Variants in PCNX2 observed in about 807,000 individuals in gnomAD.
PCNX2 encodes the protein pecanex-like protein 2.
Under a neutral mutation model 223.8 loss-of-function variants are expected in PCNX2, and 168 were observed. The observed-to-expected ratio is 0.75, with a 90% CI of 0.66 to 0.85. The LOEUF is 0.85. PCNX2 is among the 40% of genes least tolerant of loss of function. PCNX2 has a pLI of 0.00. For synonymous variants in PCNX2, 1,006 were observed against 1,052.6 expected (o/e 0.96, Z 0.86); for missense variants, 2,507 against 2,675.5 (o/e 0.94, Z 1.39).
At position 233,295,256 on chromosome 1, in the gene PCNX2, C is replaced by G. The variant is rs536088604; in HGVS notation, c.153+70G>C. The G allele has an allele frequency of 1.6e-5, 24 of 1,545,512 alleles. No individual in the cohort carries two copies. Among genetic ancestry groups the G allele is most frequent in the Admixed American group, 2.0e-5 (1 of 51,028 alleles). On this transcript the variant is annotated intron_variant, in intron 1 of 33. Coordinates refer to ENST00000258229, the MANE Select transcript of PCNX2 (RefSeq NM_014801.4). This position sits in a 1 kb window ranked among gnomAD's most constrained non-coding sequence, Gnocchi z 4.1. ...CCGAAAGCCCGTGAGGCTGATGGCA[C>G]GTCTGTGGTTCCTTTCTCCTTCTTC...
In PCNX2 at chr1:233,263,250, T is replaced by C. The variant is rs377339461; in HGVS notation, c.154-87A>G. The C allele has an allele frequency of 4.5e-6, 5 of 1,109,684 alleles. No homozygotes were observed. In the East Asian group the frequency reaches 1.0e-4, roughly 23 times the overall value. 68.7% of individuals were successfully genotyped at this position (1,109,684 alleles called of 1,614,324 possible). On this transcript the variant is annotated intron_variant, in intron 1 of 33. Coordinates refer to ENST00000258229, the MANE Select transcript of PCNX2 (RefSeq NM_014801.4). The stretch of plus-strand genomic sequence containing the variant: ...TCTGGAAGCATTTTTAGACTATCTA[T>C]TGAATATAAATTAGGCAAGATTTCA...
At chr1:233,317,358 G>C in the PCNX2 span, among the ~76,000 whole-genome samples, 2 of 152,166 alleles carry the variant, frequency 1.3e-5, no homozygotes, top group Non-Finnish European at 2.9e-5. Context: ...AGGTTGCAGT[G>C]AGCTGAGATC....
chr1:233,320,695 C>T, the PCNX2 span, among the ~76,000 whole-genome samples: 4 of 152,274 alleles, frequency 2.6e-5, no homozygotes, highest in African/African-American at 7.2e-5. Flanking sequence ...TTGAATGGAT[C>T]TTTTTGCATA....
chr1:233,015,340 C>T (rs1482010452), intron 27 of PCNX2, among the ~76,000 whole-genome samples: 3 of 152,128 alleles, frequency 2.0e-5, no homozygotes. Flanking sequence ...ATCACTTGAG[C>T]CCAGGAGTTC....
chr1:233,109,701 T>C (rs988723338), intron 21 of PCNX2, among the ~76,000 whole-genome samples: 5 of 152,178 alleles, frequency 3.3e-5, no homozygotes, highest in Non-Finnish European at 7.3e-5. Flanking sequence ...CAATACCAAA[T>C]TGTCTAACAT....
chr1:233,323,285 TG>T, the PCNX2 span, among the ~76,000 whole-genome samples: 42 of 152,348 alleles, frequency 2.8e-4, no homozygotes, highest in African/African-American at 8.7e-4. Flanking sequence ...AAAGTGTTAA[TG>T]TTTTTTTGTG....
At chr1:233,196,820 A>C (rs1160033032) in intron 15 of PCNX2, among the ~76,000 whole-genome samples, 2 of 152,120 alleles carry the variant, frequency 1.3e-5, no homozygotes, top group Non-Finnish European at 2.9e-5. Flanking sequence ...TTAAATAAAA[A>C]CTTACCATGT....
At chr1:233,254,783 T>G (rs1347969193) in intron 5 of PCNX2, among the ~76,000 whole-genome samples, 2 of 151,946 alleles carry the variant, frequency 1.3e-5, no homozygotes, top group African/African-American at 2.4e-5. Flanking sequence ...TTATAAATAT[T>G]TAATGTTATT....
At chr1:233,199,816 ACAC>A (rs1479099813) in intron 14 of PCNX2, among the ~76,000 whole-genome samples, 2 of 151,946 alleles carry the variant, frequency 1.3e-5, no homozygotes, top group Admixed American at 6.5e-5. Context: ...ACACACACAC[ACAC>A]ACTTATATCC....
At chr1:233,256,796 A>G (rs1481129179) in intron 5 of PCNX2, among the ~76,000 whole-genome samples, 5 of 152,200 alleles carry the variant, frequency 3.3e-5, no homozygotes. Context: ...CTCCTGCTTT[A>G]TATACCGCCC....
chr1:233,230,900 G>A (rs560373412), intron 9 of PCNX2, among the ~76,000 whole-genome samples: 167 of 152,206 alleles, frequency 1.1e-3, no homozygotes, highest in African/African-American at 4.0e-3. Flanking sequence ...AAGAATAAAA[G>A]ACTATGTCTT....
In PCNX2 at chr1:232,986,266, G is replaced by A. The variant is rs1340390458; in HGVS notation, c.6066C>T (p.Gly2022=). The part of the protein sequence containing the change: ...RAEALIRSSL[G]SSTSSTLSFL... Reference sequence around the variant, plus strand: ...AGCTCAGGGTGGAGCTGGTGGAGGAGCCCAGGCTGGACCTGATGAGCGCCT... The same window carrying A: ...AGCTCAGGGTGGAGCTGGTGGAGGAACCCAGGCTGGACCTGATGAGCGCCT... The change falls in exon 33 of 34, where the codon GGC becomes GGT. Residue 2022 remains glycine (G), a synonymous_variant. Transcript: ENST00000258229. 1.3e-6 allele frequency: 2 copies of A among 1,561,866 alleles called. No individual in the cohort carries two copies. Among genetic ancestry groups the A allele is most frequent in the African/African-American group, 1.4e-5 (1 of 73,732 alleles).
rs142127131 is a variant in PCNX2 at position 233,037,035 on chromosome 1, A to G, written c.4352-11636T>C. On this transcript the variant is annotated intron_variant, in intron 25 of 33. Transcript: ENST00000258229. The stretch of plus-strand genomic sequence containing the variant: ...GACACTCTCCACTGTAGGAGCCATG[A>G]CTACTGCCATCATTACCATCACTAA... Among the ~76,000 whole-genome samples the G allele has an allele frequency of 2.6e-3, 403 of 152,326 alleles. 2 individuals carry two copies. The highest frequency in any genetic ancestry group is 0.01 in the Middle Eastern group (3 of 294).
At chr1:233,307,425 C>G in the PCNX2 span, among the ~76,000 whole-genome samples, 1 of 152,212 alleles carries the variant, frequency 6.6e-6, no homozygotes, top group Non-Finnish European at 1.5e-5. Context: ...GACACACCAG[C>G]TCCCATTTGC....
At chr1:233,298,003 T>G (rs888382108), upstream of PCNX2, among the ~76,000 whole-genome samples, 1 of 152,168 alleles carries the variant, frequency 6.6e-6, no homozygotes, top group Non-Finnish European at 1.5e-5. Context: ...AGATTAGCAG[T>G]GAAAGATGAC....
intron 5 of PCNX2, among the ~76,000 whole-genome samples, chr1:233,256,334 TTA>T (rs1262224556): frequency 1.3e-5 from 2 of 152,178 alleles, no homozygotes; most frequent in African/African-American, 4.8e-5. Flanking sequence ...CTACAACATA[TTA>T]TGATTCCTGC....
chr1:233,288,945 T>C, intron 1 of PCNX2: 3 of 1,504,252 alleles, frequency 2.0e-6, no homozygotes, highest in Non-Finnish European at 2.8e-6. Flanking sequence ...TTCAACCTTG[T>C]GTTCCACATT....
In PCNX2 at chr1:233,057,222, A is replaced by T; in HGVS notation, c.4135+10T>A. On this transcript the variant is annotated intron_variant, in intron 24 of 33. Coordinates refer to ENST00000258229, the MANE Select transcript of PCNX2 (RefSeq NM_014801.4). Reference sequence around the variant, plus strand: ...TAAATAGTTGAAAAAGAGAGAAGAGATCTTCTTACCTGGATCTCTTTCAAT... The same window carrying T: ...TAAATAGTTGAAAAAGAGAGAAGAGTTCTTCTTACCTGGATCTCTTTCAAT... 2.5e-6 allele frequency: 4 copies of T among 1,583,066 alleles called. No individual in the cohort carries two copies. Among genetic ancestry groups the T allele is most frequent in the Non-Finnish European group, 3.5e-6 (4 of 1,154,930 alleles).
chr1:233,257,713 T>C (rs866908585), intron 5 of PCNX2, among the ~76,000 whole-genome samples: 4 of 152,228 alleles, frequency 2.6e-5, no homozygotes, highest in Non-Finnish European at 5.9e-5. Flanking sequence ...GAAATATCTA[T>C]TGCGAGTACT....
Sources: gnomAD v4.1 joint callset for allele counts (sites outside exome capture counted in the v4.1 genomes callset) on GRCh38, gnomAD v4.1.1 for gene constraint, Gnocchi (gnomAD v3.1) non-coding constraint, MANE v1.5 for transcripts, NCBI Gene and HGNC (gene_info 2026-07-23, HGNC 2026-07-21) for gene names.